Variants in NTM observed in about 807,000 individuals in gnomAD.
The protein encoded by NTM is neurotrimin.
A neutral mutation model predicts 42.1 loss-of-function variants in NTM; 13 were observed. The observed-to-expected ratio is 0.31, with a 90% CI of 0.20 to 0.49. The LOEUF (loss-of-function observed/expected upper bound fraction) is 0.49, where lower values mean the gene tolerates loss of function less well. Ranked by LOEUF, NTM falls within the 20% of genes least tolerant of loss-of-function variation. The pLI, the probability that NTM is intolerant of heterozygous loss-of-function variation, is 0.99. For missense variants in NTM, 373 were observed against 452.8 expected (o/e 0.82, Z 1.60); for synonymous variants, 187 against 179.2 (o/e 1.04, Z -0.35).
intron 1 of NTM, among the ~76,000 whole-genome samples, chr11:131,412,805 CGT>C (rs34653452): frequency 0.054 from 8,226 of 151,216 alleles, 724 homozygotes; most frequent in African/African-American, 0.19. Context: ...TCTTACGGGG[CGT>C]GTGTGTGTGT....
chr11:132,311,948 G>A (rs2095293090), intron 6 of NTM, among the ~76,000 whole-genome samples: 1 of 144,686 alleles, frequency 6.9e-6, no homozygotes, highest in South Asian at 2.3e-4. Context: ...GTCTTCAGAG[G>A]CCCCTGGCTC....
chr11:131,459,100 G>A (rs2136099080), intron 1 of NTM, among the ~76,000 whole-genome samples: 1 of 152,328 alleles, frequency 6.6e-6, no homozygotes, highest in African/African-American at 2.4e-5. Context: ...CAGTTAAAAT[G>A]CCTTCATGGA....
intron 1 of NTM, among the ~76,000 whole-genome samples, chr11:131,505,469 T>C (rs1448015861): frequency 2.6e-5 from 4 of 152,200 alleles, no homozygotes; most frequent in Non-Finnish European, 5.9e-5. Context: ...TCCATCAGAA[T>C]TGGCATTTTA....
chr11:131,623,445 G>A (rs2062777331), intron 1 of NTM, among the ~76,000 whole-genome samples: 1 of 152,210 alleles, frequency 6.6e-6, no homozygotes, highest in Admixed American at 6.5e-5. Flanking sequence ...CGAGACAGAT[G>A]CCATGCTGTC....
intron 1 of NTM, among the ~76,000 whole-genome samples, chr11:131,800,618 T>C (rs2092021178): frequency 6.6e-6 from 1 of 152,348 alleles, no homozygotes; most frequent in South Asian, 2.1e-4. Context: ...GCTGCATACC[T>C]AACAGATATT....
rs559788331 is a variant in NTM, at chr11:131,516,931, T to C, written c.82+146043T>C. Among the ~76,000 whole-genome samples, 11 of 152,304 alleles carry C rather than the reference T, an allele frequency of 7.2e-5. No individual in the cohort carries two copies. In the South Asian group the frequency reaches 2.1e-3, roughly 29 times the overall value. On this transcript the variant is annotated intron_variant, in intron 1 of 8. Transcript: ENST00000683400. ...ACTTTAGATTGCATTTCAAGATTGGTTGCTGGAGCAGGAAAAGAGAATATG... is the reference window on the plus strand; with the variant it reads ...ACTTTAGATTGCATTTCAAGATTGGCTGCTGGAGCAGGAAAAGAGAATATG...
chr11:131,732,178 A>G (rs889953445), intron 1 of NTM, among the ~76,000 whole-genome samples: 2 of 152,224 alleles, frequency 1.3e-5, no homozygotes, highest in African/African-American at 4.8e-5. Context: ...AATAGAAAGT[A>G]CAAAATCCAG....
chr11:131,466,197 A>G (rs957976701), intron 1 of NTM, among the ~76,000 whole-genome samples: 2 of 152,246 alleles, frequency 1.3e-5, no homozygotes, highest in Admixed American at 6.5e-5. Context: ...CAAGGGGCAG[A>G]GAGAAGAAAA....
At chr11:131,661,569 AAAC>A (rs1269059939) in intron 1 of NTM, among the ~76,000 whole-genome samples, 1 of 152,190 alleles carries the variant, frequency 6.6e-6, no homozygotes, top group Non-Finnish European at 1.5e-5. Context: ...GCCGAGGCTG[AAAC>A]ATCACTTACT....
intron 1 of NTM, among the ~76,000 whole-genome samples, chr11:131,473,135 T>A (rs987952740): frequency 1.3e-5 from 2 of 152,206 alleles, no homozygotes; most frequent in African/African-American, 4.8e-5. Context: ...CTTAGATAAC[T>A]GGACTTCAAA....
chr11:131,387,940 T>C (rs1943531979), intron 1 of NTM, among the ~76,000 whole-genome samples: 2 of 152,220 alleles, frequency 1.3e-5, no homozygotes. Flanking sequence ...CTAGCATCAT[T>C]AGACCAGGAC....
intron 2 of NTM, among the ~76,000 whole-genome samples, chr11:131,934,708 C>T (rs948753240): frequency 4.6e-5 from 7 of 152,062 alleles, no homozygotes; most frequent in Non-Finnish European, 8.8e-5. Flanking sequence ...GCTGAGATGT[C>T]AATGGAGAGA....
intron 2 of NTM, among the ~76,000 whole-genome samples, chr11:132,086,385 GAAAA>G (rs201799557): frequency 2.0e-5 from 3 of 149,462 alleles, no homozygotes; most frequent in African/African-American, 4.9e-5. Context: ...GTCGATTGAG[GAAAA>G]AAAAACTTTT....
rs563111064 is a variant in NTM, at chr11:132,231,880, C to T, written c.526+19733C>T. On this transcript the variant is annotated intron_variant, in intron 4 of 8. Transcript: ENST00000683400. ...ATTTGATATTAAACATCAGCTCTGA[C>T]GCTGTTTTCATGCACTTTTCAAATG... Among the ~76,000 whole-genome samples the T allele has an allele frequency of 1.7e-4, 25 of 149,060 alleles. No homozygotes were observed. In the South Asian group the frequency reaches 3.5e-3, roughly 21 times the overall value.
intron 1 of NTM, among the ~76,000 whole-genome samples, chr11:131,514,355 T>C (rs1256900896): frequency 6.6e-6 from 1 of 152,138 alleles, no homozygotes; most frequent in African/African-American, 2.4e-5. Flanking sequence ...CAGCACGTAA[T>C]GGCCGTCAAG....
intron 3 of NTM, among the ~76,000 whole-genome samples, chr11:132,193,721 T>A (rs1368935349): frequency 6.6e-6 from 1 of 151,336 alleles, no homozygotes; most frequent in Non-Finnish European, 1.5e-5. Flanking sequence ...TCAACAAAAC[T>A]AAAAGTTAAG....
chr11:131,628,887 C>G (rs1383292989), intron 1 of NTM, among the ~76,000 whole-genome samples: 1 of 152,230 alleles, frequency 6.6e-6, no homozygotes. Context: ...GGCCATGAGC[C>G]CAAGAGCCAG....
intron 1 of NTM, among the ~76,000 whole-genome samples, chr11:131,491,867 G>A (rs772323380): frequency 6.6e-6 from 1 of 152,188 alleles, no homozygotes; most frequent in South Asian, 2.1e-4. Context: ...TGGGGACACA[G>A]GGAGAGCAAT....
At chr11:131,715,254 T>A (rs886440492) in intron 1 of NTM, among the ~76,000 whole-genome samples, 4 of 152,248 alleles carry the variant, frequency 2.6e-5, no homozygotes, top group Non-Finnish European at 2.9e-5. Context: ...AGAATTACTA[T>A]TCCTATTTAT....
Sources: allele counts gnomAD v4.1 joint callset (sites outside exome capture counted in the v4.1 genomes callset), GRCh38; gene constraint gnomAD v4.1.1; transcripts MANE v1.5; gene names NCBI Gene and HGNC (gene_info 2026-07-23, HGNC 2026-07-21).